The following PARD3B variants were observed in gnomAD, a reference collection of about 807,000 sequenced individuals.
PARD3B encodes the protein partitioning defective 3 homolog B.
A neutral mutation model predicts 130.2 loss-of-function variants in PARD3B; 103 were observed. The observed-to-expected ratio is 0.79, with a 90% CI of 0.67 to 0.93. PARD3B has a LOEUF of 0.93. Among genes scored for constraint, PARD3B ranks in the 40% least tolerant of loss-of-function variants. The probability of loss-of-function intolerance (pLI) is 0.00; values close to 1 mark genes in which losing one functional copy is unlikely to be tolerated. For synonymous variants in PARD3B, 583 were observed against 553.2 expected, an observed-to-expected ratio of 1.05 and a Z score of -0.76; for missense variants, 1,609 against 1,499.2, an observed-to-expected ratio of 1.07 and a Z score of -1.21.
intron 3 of PARD3B, among the ~76,000 whole-genome samples, chr2:205,038,630 A>AT: frequency 6.6e-6 from 1 of 152,294 alleles, no homozygotes; most frequent in African/African-American, 2.4e-5. Flanking sequence ...CCCTTCACAT[A>AT]TTTTTGTAGC....
intron 1 of PARD3B, among the ~76,000 whole-genome samples, chr2:204,581,313 T>C (rs555314046): frequency 3.9e-5 from 6 of 152,378 alleles, no homozygotes; most frequent in African/African-American, 1.4e-4. Context: ...GTTGCATTTG[T>C]AAGTAAATTC....
In PARD3B at chr2:205,427,412, G is replaced by A. The variant is rs570860742; in HGVS notation, c.2742-12958G>A. 7.9e-5 allele frequency among the ~76,000 whole-genome samples: 12 copies of A among 152,318 alleles called. No homozygotes were observed. The South Asian group carries it at 2.5e-3, about 32-fold the overall frequency. On this transcript the variant is annotated intron_variant, in intron 19 of 22. Coordinates refer to ENST00000406610, the MANE Select transcript of PARD3B (RefSeq NM_001302769.2). ...AAATAAACAAAAGCATGTCCACACA[G>A]TAGAATACTATGAAGCATTTTAAAA...
intron 2 of PARD3B, among the ~76,000 whole-genome samples, chr2:204,694,868 CT>C (rs2125261742): frequency 6.6e-6 from 1 of 152,048 alleles, no homozygotes; most frequent in South Asian, 2.1e-4. Flanking sequence ...TACACTTGCC[CT>C]GAATTTGTTT....
At chr2:205,025,705 A>G (rs1328920476) in intron 3 of PARD3B, among the ~76,000 whole-genome samples, 3 of 152,250 alleles carry the variant, frequency 2.0e-5, no homozygotes, top group African/African-American at 4.8e-5. Context: ...GAGCAGATAC[A>G]TAAATAACCA....
In PARD3B at chr2:205,105,396, T is replaced by A. The variant is rs1703127979; in HGVS notation, c.593+882T>A. Among the ~76,000 whole-genome samples the A allele has an allele frequency of 6.6e-6, 1 of 152,172 alleles. No individual in the cohort carries two copies. The highest frequency in any genetic ancestry group is 6.5e-5 in the Admixed American group (1 of 15,278). On this transcript the variant is annotated intron_variant, in intron 5 of 22. Coordinates refer to ENST00000406610, the MANE Select transcript of PARD3B (RefSeq NM_001302769.2). The surrounding 1 kb of genome is among the most constrained non-coding windows in gnomAD (Gnocchi z 4.0). Reference sequence around the variant, plus strand: ...CAAATTTGGCATAAGGAAAATAATTTCATATTTAATAGATGGTTACTTCAG... The same window carrying A: ...CAAATTTGGCATAAGGAAAATAATTACATATTTAATAGATGGTTACTTCAG...
chr2:205,057,772 C>CGT lies in PARD3B; in HGVS notation c.504+10093_504+10094dup, dbSNP rs1355221926. ...ATGTATGTGTGTATATATACACACA[C>CGT]GTGTGTGTGTGTTTGTGTGTATGTT... On this transcript the variant is annotated intron_variant, in intron 4 of 22. Coordinates refer to ENST00000406610, the MANE Select transcript of PARD3B (RefSeq NM_001302769.2). 8.0e-5 allele frequency among the ~76,000 whole-genome samples: 12 copies of CGT among 149,326 alleles called. No individual in the cohort carries two copies. The East Asian group carries it at 2.2e-3, about 27-fold the overall frequency.
At chr2:204,970,947 A>G (rs1423340492) in intron 3 of PARD3B, among the ~76,000 whole-genome samples, 2 of 152,184 alleles carry the variant, frequency 1.3e-5, no homozygotes, top group Non-Finnish European at 2.9e-5. Flanking sequence ...TATTGTTTCC[A>G]TGTGTGTTTG....
chr2:204,773,874 C>T (rs114408920), intron 2 of PARD3B, among the ~76,000 whole-genome samples: 3,770 of 152,100 alleles, frequency 0.025, 90 homozygotes, highest in Non-Finnish European at 0.035. Context: ...ACATTTTGCT[C>T]AGAACCATTT....
chr2:205,195,029 C>T (rs932659805), intron 15 of PARD3B, among the ~76,000 whole-genome samples: 1 of 148,642 alleles, frequency 6.7e-6, no homozygotes, highest in African/African-American at 2.5e-5. Flanking sequence ...GAACTCCTGA[C>T]CTCAAGTGAT....
chr2:205,381,120 ATATAT>A lies in PARD3B; in HGVS notation c.2631-19887_2631-19883del, dbSNP rs2045414722. On this transcript the variant is annotated intron_variant, in intron 18 of 22. Coordinates refer to ENST00000406610, the MANE Select transcript of PARD3B (RefSeq NM_001302769.2). The stretch of plus-strand genomic sequence containing the variant: ...ATAATATATAAAGAATATATATTAT[ATATAT>A]TATATATAAAGAATATATAATATAT... Among the ~76,000 whole-genome samples the A allele has an allele frequency of 6.2e-5, 6 of 96,556 alleles. 1 individual carries two copies. In the South Asian group the frequency reaches 2.0e-3, roughly 33 times the overall value. 63.3% of individuals were successfully genotyped at this position (96,556 alleles called of 152,430 possible).
At chr2:205,605,119 A>G (rs924714554) in intron 22 of PARD3B, among the ~76,000 whole-genome samples, 3 of 152,094 alleles carry the variant, frequency 2.0e-5, no homozygotes, top group Non-Finnish European at 2.9e-5. Context: ...ATTTTTTATC[A>G]TGGTTCTTAG....
chr2:205,577,170 TA>T (rs1221983044), intron 22 of PARD3B, among the ~76,000 whole-genome samples: 1 of 152,192 alleles, frequency 6.6e-6, no homozygotes, highest in Non-Finnish European at 1.5e-5. Context: ...AATTGCTTAT[TA>T]ATTCCAGGAG....
chr2:204,925,475 C>T (rs988742263), intron 2 of PARD3B, among the ~76,000 whole-genome samples: 2 of 151,880 alleles, frequency 1.3e-5, no homozygotes, highest in African/African-American at 4.8e-5. Context: ...CGAAAACTGA[C>T]TACCCTAAAC....
intron 2 of PARD3B, among the ~76,000 whole-genome samples, chr2:204,705,062 C>G (rs1406935986): frequency 6.6e-6 from 1 of 152,156 alleles, no homozygotes; most frequent in African/African-American, 2.4e-5. Context: ...CTGCTCAGTG[C>G]TTGCAACACA....
Position 205,460,195 on chromosome 2 carries a change from G to A in PARD3B, c.3044+19523G>A, listed in dbSNP as rs1243069088. 6.6e-6 allele frequency among the ~76,000 whole-genome samples: 1 copy of A among 152,148 alleles called. No individual in the cohort carries two copies. The highest frequency in any genetic ancestry group is 1.9e-4 in the East Asian group (1 of 5,196). On this transcript the variant is annotated intron_variant, in intron 20 of 22. Transcript: ENST00000406610. This position sits in a 1 kb window ranked among gnomAD's most constrained non-coding sequence, Gnocchi z 4.9. Reference sequence around the variant, plus strand: ...TTAAAATGTAAAGCAATAGACTTCAGTAGTAATTTTCAGATCATTTGAGTC... The same window carrying A: ...TTAAAATGTAAAGCAATAGACTTCAATAGTAATTTTCAGATCATTTGAGTC...
At chr2:205,353,686 T>A (rs1282450425) in intron 18 of PARD3B, among the ~76,000 whole-genome samples, 1 of 152,186 alleles carries the variant, frequency 6.6e-6, no homozygotes, top group South Asian at 2.1e-4. Context: ...GTGAGGTCAT[T>A]TGCCCACCAT....
rs1301043656 is a variant in PARD3B, at chr2:205,300,405, C to A, written c.2186-125C>A. 2.3e-6 allele frequency: 2 copies of A among 854,870 alleles called. No individual in the cohort carries two copies. Among genetic ancestry groups the A allele is most frequent in the Non-Finnish European group, 3.8e-6 (2 of 530,944 alleles). The allele number at this position is 854,870 out of a possible 1,614,324, so 53.0% of individuals were successfully genotyped here. A position where few individuals can be genotyped will look rare whatever the true frequency, so the allele number is the denominator to read the frequency against. On this transcript the variant is annotated intron_variant, in intron 16 of 22. Transcript: ENST00000406610. This position sits in a 1 kb window ranked among gnomAD's most constrained non-coding sequence, Gnocchi z 4.1. ...AAAAGGTGGCAAAGCTGGAGTATAA[C>A]CCCAACTCCCACCCACTTAACACCC... is the stretch of plus-strand genomic sequence containing the variant.
intron 2 of PARD3B, among the ~76,000 whole-genome samples, chr2:204,934,792 T>C (rs966585652): frequency 3.3e-5 from 5 of 152,232 alleles, no homozygotes; most frequent in African/African-American, 1.2e-4. Context: ...GGTAAGTATT[T>C]ATTAGTCAGT....
At chr2:205,118,046 T>C (rs993506266) in intron 6 of PARD3B, among the ~76,000 whole-genome samples, 3 of 152,148 alleles carry the variant, frequency 2.0e-5, no homozygotes, top group East Asian at 1.9e-4. Context: ...GAGGCCTCTT[T>C]GTATCCTCTC....
Sources: gnomAD v4.1 joint callset for allele counts (sites outside exome capture counted in the v4.1 genomes callset) on GRCh38, gnomAD v4.1.1 for gene constraint, Gnocchi (gnomAD v3.1) non-coding constraint, MANE v1.5 for transcripts, NCBI Gene and HGNC (gene_info 2026-07-23, HGNC 2026-07-21) for gene names.